Variants in CCSER1 observed in about 807,000 individuals in gnomAD.
The protein encoded by CCSER1 is coiled-coil serine rich protein 1.
A neutral mutation model predicts 82.0 loss-of-function variants in CCSER1; 41 were observed. That is an observed-to-expected ratio of 0.50 (90% CI 0.39 to 0.65). The LOEUF is 0.65. CCSER1 is among the 30% of genes least tolerant of loss of function. The pLI is 0.00. For synonymous variants in CCSER1, 414 were observed against 383.9 expected (o/e 1.08, Z -0.92); for missense variants, 1,119 against 1,064.2 (o/e 1.05, Z -0.72).
At chr4:91,199,918 G>T (rs1735768883) in intron 10 of CCSER1, among the ~76,000 whole-genome samples, 1 of 151,766 alleles carries the variant, frequency 6.6e-6, no homozygotes, top group Non-Finnish European at 1.5e-5. Flanking sequence ...ATCTTAAAAA[G>T]CTGCTACATA....
At chr4:91,316,396 C>G (rs1745840503) in intron 10 of CCSER1, among the ~76,000 whole-genome samples, 1 of 151,804 alleles carries the variant, frequency 6.6e-6, no homozygotes, top group South Asian at 2.1e-4. Flanking sequence ...TACAAAGACT[C>G]GAAGATTGTA....
chr4:90,591,936 A>G (rs1332010091), intron 5 of CCSER1, among the ~76,000 whole-genome samples: 2 of 152,164 alleles, frequency 1.3e-5, no homozygotes, highest in Admixed American at 1.3e-4. Flanking sequence ...ACACAGGAAG[A>G]GGAAACCAAA....
At chr4:90,807,345 T>A (rs909326201) in intron 7 of CCSER1, among the ~76,000 whole-genome samples, 1 of 152,152 alleles carries the variant, frequency 6.6e-6, no homozygotes, top group African/African-American at 2.4e-5. Context: ...TTGTCCATAA[T>A]ACCCAAGATT....
At chr4:91,223,198 A>G (rs1299912427) in intron 10 of CCSER1, among the ~76,000 whole-genome samples, 3 of 152,180 alleles carry the variant, frequency 2.0e-5, no homozygotes, top group African/African-American at 7.2e-5. Context: ...ATGTAAAAAT[A>G]TATCAAGGAG....
intron 5 of CCSER1, among the ~76,000 whole-genome samples, chr4:90,532,079 GTAAT>G (rs1429165544): frequency 6.6e-6 from 1 of 152,050 alleles, no homozygotes; most frequent in Non-Finnish European, 1.5e-5. Context: ...TTAATAGTAA[GTAAT>G]AGTGCAGCAA....
chr4:90,437,277 GCA>G (rs3042070), intron 4 of CCSER1, among the ~76,000 whole-genome samples: 16,893 of 151,256 alleles, frequency 0.11, 1,323 homozygotes, highest in East Asian at 0.37. Flanking sequence ...ACATGCGCGC[GCA>G]CACACACACA....
chr4:91,020,964 C>A (rs73834723), intron 9 of CCSER1, among the ~76,000 whole-genome samples: 6,169 of 152,144 alleles, frequency 0.041, 357 homozygotes, highest in African/African-American at 0.13. Context: ...AAGCTACTAG[C>A]TACATTCCTT....
intron 5 of CCSER1, among the ~76,000 whole-genome samples, chr4:90,605,748 T>G (rs1485318093): frequency 1.3e-5 from 2 of 152,196 alleles, no homozygotes; most frequent in African/African-American, 4.8e-5. Flanking sequence ...TGATTTTTTA[T>G]AATTTTTTTT....
At chr4:91,251,379 C>A (rs1055103911) in intron 10 of CCSER1, among the ~76,000 whole-genome samples, 3 of 152,142 alleles carry the variant, frequency 2.0e-5, no homozygotes, top group African/African-American at 7.2e-5. Flanking sequence ...CTCCCAAAGT[C>A]TCCACCTCCA....
At chr4:90,334,017 C>A (rs562131759) in intron 3 of CCSER1, among the ~76,000 whole-genome samples, 1 of 152,114 alleles carries the variant, frequency 6.6e-6, no homozygotes, top group Non-Finnish European at 1.5e-5. Context: ...TTTGGGAAAG[C>A]CTTTTAGGTA....
chr4:90,530,701 T>A (rs770231580), intron 5 of CCSER1, among the ~76,000 whole-genome samples: 1 of 152,152 alleles, frequency 6.6e-6, no homozygotes, highest in Non-Finnish European at 1.5e-5. Flanking sequence ...TATAGGAAGA[T>A]CCTAGGTGAA....
chr4:91,519,748 G>GCTCT (rs1328292990), intron 10 of CCSER1, among the ~76,000 whole-genome samples: 1 of 152,150 alleles, frequency 6.6e-6, no homozygotes, highest in Non-Finnish European at 1.5e-5. Flanking sequence ...GCCACTCCTG[G>GCTCT]GTGTGTGGTT....
intron 7 of CCSER1, among the ~76,000 whole-genome samples, chr4:90,788,250 A>C (rs1211637822): frequency 6.6e-6 from 1 of 152,194 alleles, no homozygotes; most frequent in Non-Finnish European, 1.5e-5. Context: ...TTGAAAAATC[A>C]GATATCAACT....
At chr4:90,472,587 C>G (rs1417943928) in intron 5 of CCSER1, among the ~76,000 whole-genome samples, 3 of 152,108 alleles carry the variant, frequency 2.0e-5, no homozygotes, top group African/African-American at 7.2e-5. Flanking sequence ...CCTGCAATAT[C>G]TAAAATTCAT....
At position 90,767,796 on chromosome 4, in the gene CCSER1, T is replaced by C. The variant is rs138655429; in HGVS notation, c.2010+43805T>C. Among the ~76,000 whole-genome samples, 489 of 152,124 alleles carry C rather than the reference T, an allele frequency of 3.2e-3. 1 individual carries two copies. The highest frequency in any genetic ancestry group is 0.011 in the African/African-American group (454 of 41,504). Reference sequence around the variant, plus strand: ...AATTCTCCCACGTCAGCCTCCTGAGTAGCTGGAACTACAGGTGTGTGCCAC... The same window carrying C: ...AATTCTCCCACGTCAGCCTCCTGAGCAGCTGGAACTACAGGTGTGTGCCAC... On this transcript the variant is annotated intron_variant, in intron 7 of 10. Coordinates refer to ENST00000509176, the MANE Select transcript of CCSER1 (RefSeq NM_001145065.2).
intron 10 of CCSER1, among the ~76,000 whole-genome samples, chr4:91,417,143 A>T (rs570720663): frequency 6.6e-6 from 1 of 152,346 alleles, no homozygotes. Context: ...AATGCCAATC[A>T]AAACCACAAT....
At chr4:91,596,767 G>A (rs1764599867) in intron 10 of CCSER1, among the ~76,000 whole-genome samples, 1 of 151,994 alleles carries the variant, frequency 6.6e-6, no homozygotes, top group South Asian at 2.1e-4. Context: ...CCAAATCTAA[G>A]GAAAAGTTAA....
intron 9 of CCSER1, among the ~76,000 whole-genome samples, chr4:90,927,453 G>A (rs1184414404): frequency 6.6e-6 from 1 of 151,784 alleles, no homozygotes; most frequent in East Asian, 1.9e-4. Context: ...ATATCATTAG[G>A]GGTTTCAATT....
intron 10 of CCSER1, among the ~76,000 whole-genome samples, chr4:91,498,400 G>T (rs1395774480): frequency 6.6e-6 from 1 of 151,528 alleles, no homozygotes; most frequent in East Asian, 1.9e-4. Context: ...AGAGAAAATG[G>T]TGTGTAGTTG....
Sources: gnomAD v4.1 joint callset for allele counts (sites outside exome capture counted in the v4.1 genomes callset) on GRCh38, gnomAD v4.1.1 for gene constraint, MANE v1.5 for transcripts, NCBI Gene and HGNC (gene_info 2026-07-23, HGNC 2026-07-21) for gene names.